Variants in ZNF737 observed in about 807,000 individuals in gnomAD.
ZNF737 encodes the protein zinc finger protein 737.
Under a neutral mutation model 11.7 loss-of-function variants are expected in ZNF737, and 13 were observed. The ratio of observed to expected loss-of-function variants is 1.11; its 90% CI spans 0.73 to 1.77. The LOEUF (loss-of-function observed/expected upper bound fraction) is 1.77, where lower values mean the gene tolerates loss of function less well. ZNF737 is among the 40% of genes most tolerant of loss of function. ZNF737 has a pLI of 0.00. For missense variants in ZNF737, 636 were observed against 638.0 expected (o/e 1.00, Z 0.03); for synonymous variants, 217 against 216.2 (o/e 1.00, Z -0.03).
intron 3 of ZNF737, among the ~76,000 whole-genome samples, chr19:20,551,447 A>AAAAAG (rs1968667156): frequency 2.3e-5 from 3 of 131,724 alleles, no homozygotes; most frequent in Non-Finnish European, 4.8e-5. Flanking sequence ...AAAAAAAAAA[A>AAAAAG]AAAGAAAGAA....
At chr19:20,548,974 A>AAAAC (rs1555757670) in intron 3 of ZNF737, among the ~76,000 whole-genome samples, 2 of 120,362 alleles carry the variant, frequency 1.7e-5, no homozygotes, top group East Asian at 3.0e-4. Flanking sequence ...AAAAAAAAAA[A>AAAAC]AAAAAACAAT....
At chr19:20,536,132 C>T, downstream of ZNF737, 2 of 984,654 alleles carry the variant, frequency 2.0e-6, no homozygotes, top group South Asian at 4.7e-5. Context: ...ACAGCCACTT[C>T]TCTGCAATAA....
rs1968117630 is a variant in ZNF737 at position 20,539,610 on chromosome 19, T to C, written c.*4982A>G. The C allele has an allele frequency of 2.8e-5, 27 of 966,692 alleles. No individual in the cohort carries two copies. Among genetic ancestry groups the C allele is most frequent in the African/African-American group, 3.5e-5 (2 of 56,848 alleles). 59.9% of individuals were successfully genotyped at this position (966,692 alleles called of 1,614,324 possible). On this transcript the variant is annotated 3_prime_UTR_variant, in exon 4 of 4. Transcript: ENST00000427401. ...TAATCATGGATTCAAAAAATATTCATATTAATGTGTTTACAGTTTAATCTT... is the reference window on the plus strand; with the variant it reads ...TAATCATGGATTCAAAAAATATTCACATTAATGTGTTTACAGTTTAATCTT...
intron 3 of ZNF737, among the ~76,000 whole-genome samples, chr19:20,546,731 T>C (rs1365849417): frequency 2.6e-5 from 4 of 152,048 alleles, no homozygotes; most frequent in African/African-American, 9.7e-5. Flanking sequence ...AAGCAAACAA[T>C]TATCCAGACA....
chr19:20,538,864 T>C lies in ZNF737; in HGVS notation c.*5728A>G. ...TGGCATCTGTTACCCATTAATTTTA[T>C]ACATTTGCTTTTTTGAAAAACAAAT... On this transcript the variant is annotated 3_prime_UTR_variant, in exon 4 of 4. Coordinates refer to ENST00000427401, the MANE Select transcript of ZNF737 (RefSeq NM_001159293.2). The C allele has an allele frequency of 2.0e-6, 2 of 985,296 alleles. No individual in the cohort carries two copies. The highest frequency in any genetic ancestry group is 2.4e-6 in the Non-Finnish European group (2 of 829,786). The allele number at this position is 985,296 out of a possible 1,614,324, so 61.0% of individuals were successfully genotyped here.
chr19:20,565,761 T>C lies in ZNF737; in HGVS notation c.-121A>G, dbSNP rs1969276781. 2.0e-6 allele frequency: 3 copies of C among 1,507,648 alleles called. No homozygotes were observed. The highest frequency in any genetic ancestry group is 1.7e-5 in the Admixed American group (1 of 59,720). 93.4% of individuals were successfully genotyped at this position (1,507,648 alleles called of 1,614,324 possible). On this transcript the variant is annotated 5_prime_UTR_variant, in exon 1 of 4. Transcript: ENST00000427401. ...GACACACAGCAGTGAAGACAAGACC[T>C]GGAGCTCCGGCTGCAGAGACAAAGG...
At chr19:20,550,504 G>T (rs8111470) in intron 3 of ZNF737, among the ~76,000 whole-genome samples, 3 of 152,046 alleles carry the variant, frequency 2.0e-5, no homozygotes, top group South Asian at 2.1e-4. Context: ...AAAATATATA[G>T]GGAGAGTGAC....
At position 20,541,998 on chromosome 19, in the gene ZNF737, T is replaced by G. The variant is rs2144596053; in HGVS notation, c.*2594A>C. 2 of 981,360 alleles carry G rather than the reference T, an allele frequency of 2.0e-6. No homozygotes were observed. Among genetic ancestry groups the G allele is most frequent in the South Asian group, 9.4e-5 (2 of 21,168 alleles). 60.8% of individuals were successfully genotyped at this position (981,360 alleles called of 1,614,324 possible). A position where few individuals can be genotyped will look rare whatever the true frequency, so the allele number is the denominator to read the frequency against. ...AATAAAAAATTTAAATAATAAAGAG[T>G]CAAAATTTAATCTATGGGAACAATA... On this transcript the variant is annotated 3_prime_UTR_variant, in exon 4 of 4. Transcript: ENST00000427401.
chr19:20,538,628 G>A lies in ZNF737; in HGVS notation c.*5964C>T, dbSNP rs1320358469. The stretch of plus-strand genomic sequence containing the variant: ...AGTGCTATTTCTTTACAGCTCCAGA[G>A]AACAAACATTTCTAAAACCATTATG... On this transcript the variant is annotated 3_prime_UTR_variant, in exon 4 of 4. Coordinates refer to ENST00000427401, the MANE Select transcript of ZNF737 (RefSeq NM_001159293.2). The A allele has an allele frequency of 1.0e-6, 1 of 982,266 alleles. No homozygotes were observed. The highest frequency in any genetic ancestry group is 1.2e-6 in the Non-Finnish European group (1 of 827,192). 60.8% of individuals were successfully genotyped at this position (982,266 alleles called of 1,614,324 possible).
downstream of ZNF737, among the ~76,000 whole-genome samples, chr19:20,535,532 T>G (rs532658165): frequency 0.017 from 2,594 of 151,538 alleles, 79 homozygotes; most frequent in African/African-American, 0.059. Context: ...ATCCTCGTTT[T>G]TTTTTTTTTT....
rs554536901 is a variant in ZNF737 at position 20,540,055 on chromosome 19, C to T, written c.*4537G>A. The T allele has an allele frequency of 1.6e-5, 16 of 985,084 alleles. No homozygotes were observed. The African/African-American group carries it at 2.4e-4, about 15-fold the overall frequency. 61.0% of individuals were successfully genotyped at this position (985,084 alleles called of 1,614,324 possible). The stretch of plus-strand genomic sequence containing the variant: ...TTATTTCTTGAATGAATGAGATTCC[C>T]TTTTTTTTCCCTCTGCCATAGAATC... On this transcript the variant is annotated 3_prime_UTR_variant, in exon 4 of 4. Coordinates refer to ENST00000427401, the MANE Select transcript of ZNF737 (RefSeq NM_001159293.2).
chr19:20,541,357 C>T lies in ZNF737; in HGVS notation c.*3235G>A. ...CTCTATGTAAATTAAAACTAAAAGT[C>T]TATGTGTTTGCAGGCAGAGACCACA... On this transcript the variant is annotated 3_prime_UTR_variant, in exon 4 of 4. Coordinates refer to ENST00000427401, the MANE Select transcript of ZNF737 (RefSeq NM_001159293.2). The T allele has an allele frequency of 1.0e-6, 1 of 984,004 alleles. No homozygotes were observed. Among genetic ancestry groups the T allele is most frequent in the Non-Finnish European group, 1.2e-6 (1 of 828,710 alleles). 61.0% of individuals were successfully genotyped at this position (984,004 alleles called of 1,614,324 possible).
At chr19:20,559,540 G>A (rs1476367393) in intron 1 of ZNF737, among the ~76,000 whole-genome samples, 4 of 151,896 alleles carry the variant, frequency 2.6e-5, no homozygotes, top group African/African-American at 9.7e-5. Context: ...AAACAACAAC[G>A]AGATATCACT....
chr19:20,548,980 A>AAAAAC (rs1491170549), intron 3 of ZNF737, among the ~76,000 whole-genome samples: 17 of 66,556 alleles, frequency 2.6e-4, no homozygotes, highest in Middle Eastern at 7.4e-3. Flanking sequence ...AAAAAAAAAA[A>AAAAAC]CAATTATGTA....
chr19:20,545,820 CT>C lies in ZNF737; in HGVS notation c.382del (p.Arg128GlufsTer10), dbSNP rs1568427958. 1.2e-6 allele frequency: 2 copies of C among 1,613,394 alleles called. No homozygotes were observed. The highest frequency in any genetic ancestry group is 1.7e-6 in the Non-Finnish European group (2 of 1,179,766). On this transcript the variant is annotated frameshift_variant, in exon 4 of 4. Coordinates refer to ENST00000427401, the MANE Select transcript of ZNF737 (RefSeq NM_001159293.2). LOFTEE classifies it low-confidence loss of function (END_TRUNC). ...ATATTGGTTAAGTCCATTATAACCT[CT>C]TTTGTGCACCTTACACTCATCTACA... Reference protein sequence around the residue: ...ESVDECKVHKRGYNGLNQYLT... With the variant: ...ESVDECKVHKXGYNGLNQYLT...
At chr19:20,555,009 C>G (rs2562627) in intron 1 of ZNF737, among the ~76,000 whole-genome samples, 35,840 of 151,020 alleles carry the variant, frequency 0.24, 4,331 homozygotes, top group South Asian at 0.33. Context: ...ATTACAGGTG[C>G]CTGCCACCAC....
rs183741774 is a variant in ZNF737, at chr19:20,564,854, T to G, written c.3+784A>C. Among the ~76,000 whole-genome samples the G allele has an allele frequency of 7.0e-3, 1,056 of 151,534 alleles. 7 individuals carry two copies. The highest frequency in any genetic ancestry group is 0.012 in the Non-Finnish European group (826 of 67,876). ...AAAATCTAAGCTCATGTGCATTTTT[T>G]GGGAAATTACTACATTAGGGGAAAC... is the stretch of plus-strand genomic sequence containing the variant. On this transcript the variant is annotated intron_variant, in intron 1 of 3. Transcript: ENST00000427401.
At chr19:20,537,191 GTT>G (rs113521016), downstream of ZNF737, among the ~76,000 whole-genome samples, 1,206 of 146,174 alleles carry the variant, frequency 8.3e-3, 17 homozygotes, top group African/African-American at 0.026. Context: ...TAAGGTACTG[GTT>G]TTTTTTTTTT....
intron 3 of ZNF737, 63 bp from the exon 4 acceptor site, chr19:20,546,039 A>T (rs1158546780): frequency 4.8e-5 from 71 of 1,485,014 alleles, no homozygotes; most frequent in Non-Finnish European, 5.9e-5. Context: ...TACTTTACAG[A>T]TCTAACCTAT....
Sources: allele counts gnomAD v4.1 joint callset (sites outside exome capture counted in the v4.1 genomes callset), GRCh38; gene constraint gnomAD v4.1.1; transcripts MANE v1.5; gene names NCBI Gene and HGNC (gene_info 2026-07-23, HGNC 2026-07-21).